RBMS3: variants seen among roughly 807,000 people sequenced by gnomAD.
The protein encoded by RBMS3 is RNA-binding motif, single-stranded-interacting protein 3.
Under a neutral mutation model 66.8 loss-of-function variants are expected in RBMS3, and 27 were observed. The ratio of observed to expected loss-of-function variants is 0.40; its 90% CI spans 0.30 to 0.56. The LOEUF (loss-of-function observed/expected upper bound fraction) is 0.56, where lower values mean the gene tolerates loss of function less well. Among genes scored for constraint, RBMS3 ranks in the 20% least tolerant of loss-of-function variants. The pLI, the probability that RBMS3 is intolerant of heterozygous loss-of-function variation, is 0.40. For synonymous variants in RBMS3, 188 were observed against 183.0 expected (o/e 1.03, Z -0.22); for missense variants, 513 against 549.5 (o/e 0.93, Z 0.66).
At chr3:29,564,936 T>C (rs927276257) in intron 3 of RBMS3, among the ~76,000 whole-genome samples, 1 of 152,218 alleles carries the variant, frequency 6.6e-6, no homozygotes, top group African/African-American at 2.4e-5. Context: ...TCATCGAAGC[T>C]GTTGCTGCTT....
At chr3:29,547,619 A>T (rs1303378692) in intron 3 of RBMS3, among the ~76,000 whole-genome samples, 3 of 152,108 alleles carry the variant, frequency 2.0e-5, no homozygotes, top group Non-Finnish European at 4.4e-5. Context: ...CAGGGGATTC[A>T]CTGGCCATAA....
chr3:29,888,224 A>G (rs546763199), intron 8 of RBMS3, among the ~76,000 whole-genome samples: 2 of 151,894 alleles, frequency 1.3e-5, no homozygotes, highest in South Asian at 2.1e-4. Context: ...ATTTACAACA[A>G]TGAATATTTT....
intron 5 of RBMS3, among the ~76,000 whole-genome samples, chr3:29,759,188 C>T (rs2055555746): frequency 6.6e-6 from 1 of 151,862 alleles, no homozygotes; most frequent in Non-Finnish European, 1.5e-5. Flanking sequence ...GGCTGTTAAA[C>T]TAGCTCCTCT....
At chr3:29,699,235 C>T (rs912643820) in intron 4 of RBMS3, among the ~76,000 whole-genome samples, 80 of 152,230 alleles carry the variant, frequency 5.3e-4, no homozygotes, top group Middle Eastern at 3.4e-3. Context: ...ACTGCAACTC[C>T]GCTTTCCAGG....
intron 2 of RBMS3, among the ~76,000 whole-genome samples, chr3:29,453,124 A>G (rs969353511): frequency 5.9e-5 from 9 of 152,206 alleles, no homozygotes; most frequent in Non-Finnish European, 4.4e-5. Context: ...CAGAAGCCTC[A>G]GGGACAAGGG....
At chr3:29,354,361 CA>C (rs2037093419) in intron 1 of RBMS3, among the ~76,000 whole-genome samples, 2 of 152,120 alleles carry the variant, frequency 1.3e-5, no homozygotes, top group African/African-American at 2.4e-5. Context: ...ATTTATGATG[CA>C]AAAATTAACT....
intron 3 of RBMS3, among the ~76,000 whole-genome samples, chr3:29,489,151 T>C (rs2043432853): frequency 6.6e-6 from 1 of 152,164 alleles, no homozygotes; most frequent in Non-Finnish European, 1.5e-5. Context: ...TACTGGAAAA[T>C]TGGAATGCTT....
intron 4 of RBMS3, among the ~76,000 whole-genome samples, chr3:29,725,512 GAC>G (rs1271835477): frequency 6.6e-6 from 1 of 151,890 alleles, no homozygotes; most frequent in Admixed American, 6.6e-5. Flanking sequence ...GAATAAAATA[GAC>G]ACAATAAAAA....
chr3:29,936,354 T>G (rs574897297), intron 11 of RBMS3, among the ~76,000 whole-genome samples, 158 bp downstream of exon 11: 1 of 152,176 alleles, frequency 6.6e-6, no homozygotes, highest in Admixed American at 6.5e-5. Flanking sequence ...TCTGCATGTA[T>G]GTTCAGTTCC....
In RBMS3 at chr3:29,477,499, TGAA is replaced by T. The variant is rs2042987573; in HGVS notation, c.249-10938_249-10936del. Among the ~76,000 whole-genome samples the T allele has an allele frequency of 2.0e-5, 3 of 152,100 alleles. No individual in the cohort carries two copies. The South Asian group carries it at 6.2e-4, about 31-fold the overall frequency. On this transcript the variant is annotated intron_variant, in intron 2 of 14. Coordinates refer to ENST00000383767, the MANE Select transcript of RBMS3 (RefSeq NM_001003793.3). ...AACAAACAAAATTATGCTCTGCTCT[TGAA>T]GAACTCATCCTCATTGTTAGGATAA... is the stretch of plus-strand genomic sequence containing the variant.
chr3:29,396,543 C>T (rs2039559280), intron 1 of RBMS3, among the ~76,000 whole-genome samples: 1 of 152,060 alleles, frequency 6.6e-6, no homozygotes, highest in Non-Finnish European at 1.5e-5. Flanking sequence ...AAAACTCATA[C>T]TGAAGTTATT....
chr3:29,307,238 C>A (rs1256451510), intron 1 of RBMS3, among the ~76,000 whole-genome samples: 1 of 151,910 alleles, frequency 6.6e-6, no homozygotes, highest in Non-Finnish European at 1.5e-5. Flanking sequence ...CTCATCAAAG[C>A]ATTGTACTTT....
chr3:29,982,775 A>G (rs1359007718), intron 12 of RBMS3, among the ~76,000 whole-genome samples: 1 of 152,158 alleles, frequency 6.6e-6, no homozygotes, highest in Non-Finnish European at 1.5e-5. Context: ...GTGGTCTGAG[A>G]GACTGTTTGT....
intron 6 of RBMS3, among the ~76,000 whole-genome samples, chr3:29,803,026 G>A (rs1168944101): frequency 1.3e-5 from 2 of 152,108 alleles, no homozygotes; most frequent in Non-Finnish European, 2.9e-5. Context: ...TTATCTGAAA[G>A]CCCTAGTACT....
intron 4 of RBMS3, among the ~76,000 whole-genome samples, chr3:29,705,231 T>A (rs2052828454): frequency 6.6e-6 from 1 of 152,204 alleles, no homozygotes; most frequent in African/African-American, 2.4e-5. Context: ...GTCATTTAAA[T>A]CCAGTATCAC....
chr3:29,732,244 C>T (rs1260084364), intron 4 of RBMS3, among the ~76,000 whole-genome samples: 3 of 152,182 alleles, frequency 2.0e-5, no homozygotes, highest in Non-Finnish European at 2.9e-5. Context: ...ATTTCAGTCA[C>T]GGTCTGAAGA....
At chr3:29,884,469 T>TCCC (rs56911907) in intron 8 of RBMS3, among the ~76,000 whole-genome samples, 12 of 66,346 alleles carry the variant, frequency 1.8e-4, no homozygotes, top group African/African-American at 5.8e-4. Context: ...TCTCTCTCTC[T>TCCC]CCCCCCCCGC....
intron 1 of RBMS3, among the ~76,000 whole-genome samples, chr3:29,282,200 CA>C (rs1205074799): frequency 6.6e-6 from 1 of 151,998 alleles, no homozygotes; most frequent in Admixed American, 6.6e-5. Flanking sequence ...GGGGGTAACT[CA>C]AACTTTTAAT....
intron 2 of RBMS3, among the ~76,000 whole-genome samples, chr3:29,453,774 C>A (rs116571985): frequency 0.034 from 5,236 of 152,314 alleles, 132 homozygotes; most frequent in African/African-American, 0.063. Context: ...AGGGCAGAAT[C>A]AATATGAGCT....
Sources: allele counts gnomAD v4.1 joint callset (sites outside exome capture counted in the v4.1 genomes callset), GRCh38; gene constraint gnomAD v4.1.1; transcripts MANE v1.5; gene names NCBI Gene and HGNC (gene_info 2026-07-23, HGNC 2026-07-21).